Variants in SNX7 observed in about 807,000 individuals in gnomAD.
SNX7 encodes sorting nexin-7.
Under a neutral mutation model 48.4 loss-of-function variants are expected in SNX7, and 35 were observed. That is an observed-to-expected ratio of 0.72 (90% CI 0.55 to 0.96). SNX7 has a LOEUF of 0.96. Among genes scored for constraint, SNX7 ranks in the 40% least tolerant of loss-of-function variants. The pLI, the probability that SNX7 is intolerant of heterozygous loss-of-function variation, is 0.00. For missense variants in SNX7, 553 were observed against 548.9 expected (o/e 1.01, Z -0.07); for synonymous variants, 190 against 190.2 (o/e 1.00, Z 0.01).
chr1:98,741,859 C>T (rs1247949964), intron 8 of SNX7, among the ~76,000 whole-genome samples: 1 of 152,072 alleles, frequency 6.6e-6, no homozygotes, highest in Non-Finnish European at 1.5e-5. Flanking sequence ...ATCTTATGAA[C>T]TGGAAGAGCA....
At chr1:98,695,797 C>A (rs1651424567) in intron 5 of SNX7, 81 bp downstream of exon 5, 1 of 995,304 alleles carries the variant, frequency 1.0e-6, no homozygotes, top group Admixed American at 1.8e-5. Context: ...AATATAGCAA[C>A]ATTCAGTTAG....
chr1:98,716,051 G>A (rs1037303148), intron 7 of SNX7, among the ~76,000 whole-genome samples: 3 of 151,886 alleles, frequency 2.0e-5, no homozygotes, highest in Non-Finnish European at 2.9e-5. Flanking sequence ...TTTATTTTCC[G>A]TATTTGTAGT....
chr1:98,720,986 A>T (rs981036017), intron 7 of SNX7, among the ~76,000 whole-genome samples: 1 of 152,132 alleles, frequency 6.6e-6, no homozygotes, highest in African/African-American at 2.4e-5. Context: ...CAAAAATACT[A>T]TGGTAGTCAT....
chr1:98,681,839 C>T (rs955368426), intron 1 of SNX7, among the ~76,000 whole-genome samples: 3 of 152,236 alleles, frequency 2.0e-5, no homozygotes, highest in East Asian at 1.9e-4. Context: ...ATACCTGGAT[C>T]GGTACTATGG....
intron 1 of SNX7, among the ~76,000 whole-genome samples, chr1:98,682,502 G>A (rs970359315): frequency 2.0e-5 from 3 of 152,010 alleles, no homozygotes; most frequent in African/African-American, 4.8e-5. Context: ...TTCTGAAATG[G>A]CTTAATTCTA....
chr1:98,710,039 C>G (rs1483564561), intron 7 of SNX7, among the ~76,000 whole-genome samples: 2 of 152,140 alleles, frequency 1.3e-5, no homozygotes, highest in African/African-American at 4.8e-5. Context: ...CTGTGACCCA[C>G]CCTGCCCAAG....
chr1:98,717,766 A>G (rs1652666237), intron 7 of SNX7, among the ~76,000 whole-genome samples: 1 of 152,060 alleles, frequency 6.6e-6, no homozygotes, highest in Admixed American at 6.6e-5. Context: ...TCCTTAATGT[A>G]TGTCAGTGGT....
chr1:98,695,705 A>G lies in SNX7; in HGVS notation c.827A>G (p.Lys276Arg). 6.4e-7 allele frequency: 1 copy of G among 1,551,358 alleles called. No individual in the cohort carries two copies. The highest frequency in any genetic ancestry group is 8.9e-7 in the Non-Finnish European group (1 of 1,123,252). ...LIDKISQRIY[K>R]EEREYFDEMK... ...GATAAAATATCTCAGAGAATTTATA[A>G]GGAAGAAAGGGGTAAGTAGAATTAC... is the stretch of plus-strand genomic sequence containing the variant. Residue 276 changes from lysine to arginine, a missense_variant, in exon 5 of 9, where the codon AAG becomes AGG. Transcript: ENST00000306121.
intron 8 of SNX7, among the ~76,000 whole-genome samples, chr1:98,743,020 T>A (rs982598143): frequency 6.6e-4 from 100 of 151,994 alleles, no homozygotes; most frequent in Middle Eastern, 3.4e-3. Flanking sequence ...TTTTCTTCTA[T>A]CATTACTATT....
intron 2 of SNX7, among the ~76,000 whole-genome samples, chr1:98,686,522 T>G (rs1047475838): frequency 6.6e-6 from 1 of 152,156 alleles, no homozygotes; most frequent in Non-Finnish European, 1.5e-5. Flanking sequence ...AAGGTAACTA[T>G]ATTTTAAGTT....
intron 2 of SNX7, 98 bp from the exon 3 acceptor site, chr1:98,690,977 C>G (rs1435571298): frequency 1.5e-6 from 1 of 659,180 alleles, no homozygotes; most frequent in Non-Finnish European, 2.3e-6. Context: ...GTTAATTTTT[C>G]TTAGAGACCC....
chr1:98,682,756 G>A (rs1432228235), intron 1 of SNX7, among the ~76,000 whole-genome samples: 1 of 152,154 alleles, frequency 6.6e-6, no homozygotes, highest in African/African-American at 2.4e-5. Context: ...GCTTGTAGGA[G>A]TACTACCTAC....
chr1:98,736,018 C>G (rs1653762185), intron 7 of SNX7, among the ~76,000 whole-genome samples: 1 of 152,098 alleles, frequency 6.6e-6, no homozygotes. Context: ...CACCAACTAA[C>G]CAGACCACCA....
intron 7 of SNX7, among the ~76,000 whole-genome samples, chr1:98,730,211 C>G (rs1325296928): frequency 1.4e-5 from 2 of 147,740 alleles, no homozygotes; most frequent in Non-Finnish European, 3.0e-5. Flanking sequence ...ATTCAACATC[C>G]CTTCATGTTA....
At chr1:98,680,323 A>G (rs538408831) in intron 1 of SNX7, among the ~76,000 whole-genome samples, 3 of 152,262 alleles carry the variant, frequency 2.0e-5, no homozygotes, top group Admixed American at 6.5e-5. Context: ...AGCCCAGCCC[A>G]CAAAACCACC....
At position 98,706,458 on chromosome 1, in the gene SNX7, GA is replaced by G. The variant is rs1652009384; in HGVS notation, c.1125+4558del. Among the ~76,000 whole-genome samples the G allele has an allele frequency of 2.0e-5, 3 of 152,256 alleles. No homozygotes were observed. The South Asian group carries it at 6.2e-4, about 32-fold the overall frequency. On this transcript the variant is annotated intron_variant, in intron 7 of 8. Transcript: ENST00000306121. ...AAGTGAGCAAGTAAAAGAGTTGTGG[GA>G]AATGAAGTCAGGTCTAACCAGGGGT...
intron 7 of SNX7, among the ~76,000 whole-genome samples, chr1:98,726,176 G>A (rs1342908057): frequency 6.6e-6 from 1 of 152,110 alleles, no homozygotes; most frequent in African/African-American, 2.4e-5. Flanking sequence ...ACACAGTTAG[G>A]ACTCGAACCC....
chr1:98,735,377 C>T (rs1038451789), intron 7 of SNX7, among the ~76,000 whole-genome samples: 2 of 152,062 alleles, frequency 1.3e-5, no homozygotes, highest in African/African-American at 4.8e-5. Context: ...TTTTTACCTT[C>T]CTTTTTTCCA....
intron 1 of SNX7, among the ~76,000 whole-genome samples, chr1:98,674,389 C>T (rs1650045444): frequency 6.6e-6 from 1 of 152,102 alleles, no homozygotes; most frequent in Non-Finnish European, 1.5e-5. Context: ...GGATCTGTTC[C>T]AGACTTCCCA....
Sources: allele counts gnomAD v4.1 joint callset (sites outside exome capture counted in the v4.1 genomes callset), GRCh38; gene constraint gnomAD v4.1.1; transcripts MANE v1.5; gene names NCBI Gene and HGNC (gene_info 2026-07-23, HGNC 2026-07-21).